TBCEL: variants seen among roughly 807,000 people sequenced by gnomAD.
TBCEL encodes the protein tubulin folding cofactor E like, also known as tubulin-specific chaperone cofactor E-like protein.
TBCEL carries 15 observed loss-of-function variants against 44.2 expected under a neutral mutation model. The observed-to-expected ratio is 0.34, with a 90% CI of 0.23 to 0.52. The LOEUF (loss-of-function observed/expected upper bound fraction) is 0.52, where lower values mean the gene tolerates loss of function less well. TBCEL is among the 20% of genes least tolerant of loss of function. TBCEL has a pLI of 0.95. For missense variants in TBCEL, 319 were observed against 506.3 expected (o/e 0.63, Z 3.55); for synonymous variants, 171 against 185.4 (o/e 0.92, Z 0.63).
intron 8 of TBCEL, among the ~76,000 whole-genome samples, chr11:121,062,628 C>T (rs1591403923): frequency 6.6e-6 from 1 of 152,226 alleles, no homozygotes; most frequent in African/African-American, 2.4e-5. Context: ...TATAATTATC[C>T]TAAGTGCATT....
chr11:121,039,919 C>G (rs193014135), intron 2 of TBCEL, among the ~76,000 whole-genome samples: 23 of 152,210 alleles, frequency 1.5e-4, no homozygotes, highest in African/African-American at 5.1e-4. Context: ...AGGATTGATT[C>G]GTTGTACAAA....
In TBCEL at chr11:121,044,401, A is replaced by T. The variant is rs137902621; in HGVS notation, c.-17-1273A>T. 2.0e-4 allele frequency among the ~76,000 whole-genome samples: 30 copies of T among 152,212 alleles called. 1 individual carries two copies. The highest frequency in any genetic ancestry group is 1.5e-5 in the Non-Finnish European group (1 of 68,006). ...GATCTCCTCTGAGGCTCCTAGTTAG[A>T]TGCTCCTGACAATGTCTACCATTGC... is the stretch of plus-strand genomic sequence containing the variant. On this transcript the variant is annotated intron_variant, in intron 2 of 8. Transcript: ENST00000683345.
At chr11:121,029,562 A>G (rs1945107788) in intron 1 of TBCEL, among the ~76,000 whole-genome samples, 1 of 152,226 alleles carries the variant, frequency 6.6e-6, no homozygotes, top group South Asian at 2.1e-4. Flanking sequence ...TGAACTCAGA[A>G]CTAACTGAAG....
In TBCEL at chr11:121,045,796, G is replaced by A. The variant is rs757022436; in HGVS notation, c.106G>A (p.Ala36Thr). 1.9e-6 allele frequency: 3 copies of A among 1,610,186 alleles called. No individual in the cohort carries two copies. Among genetic ancestry groups the A allele is most frequent in the South Asian group, 2.2e-5 (2 of 90,358 alleles). ...RGPGMGVHVP[A>T]TPQGSPMKDR... ...CCCGGGGATGGGAGTCCATGTCCCA[G>A]CCACACCTCAGGGCTCTCCTATGAA... The change falls in exon 3 of 9, where the codon GCC becomes ACC. Residue 36 changes from alanine (A) to threonine (T), a missense_variant. By Grantham distance (58) the Ala-to-Thr change is moderately conservative. Coordinates refer to ENST00000683345, the MANE Select transcript of TBCEL (RefSeq NM_001363644.2).
intron 1 of TBCEL, among the ~76,000 whole-genome samples, chr11:121,033,848 C>T (rs552485516): frequency 2.0e-5 from 3 of 151,620 alleles, no homozygotes; most frequent in Non-Finnish European, 4.4e-5. Flanking sequence ...CACCATTCTA[C>T]AGTGTCAATG....
chr11:121,035,273 A>G (rs1945211002), intron 1 of TBCEL: 1 of 152,018 alleles, frequency 6.6e-6, no homozygotes, highest in Non-Finnish European at 1.5e-5. Context: ...ACAGGCTACT[A>G]CCCCTTCCTG....
chr11:121,031,332 G>A (rs1000072174), intron 1 of TBCEL, among the ~76,000 whole-genome samples: 1 of 152,104 alleles, frequency 6.6e-6, no homozygotes, highest in Admixed American at 6.6e-5. Context: ...CTGTTCTTCT[G>A]CATTTTCTCC....
At chr11:121,037,368 G>T (rs1945250188) in intron 2 of TBCEL, among the ~76,000 whole-genome samples, 1 of 152,144 alleles carries the variant, frequency 6.6e-6, no homozygotes, top group Non-Finnish European at 1.5e-5. Flanking sequence ...TCCAAAGAGA[G>T]CATCCACTTA....
chr11:121,059,833 A>G (rs182958036), intron 7 of TBCEL, 136 bp from the exon 8 acceptor site: 2 of 623,572 alleles, frequency 3.2e-6, no homozygotes, highest in Admixed American at 3.0e-5. Flanking sequence ...TCATGTCAGT[A>G]GTTGTATACA....
chr11:121,029,877 A>C (rs1945113747), intron 1 of TBCEL, among the ~76,000 whole-genome samples: 1 of 152,208 alleles, frequency 6.6e-6, no homozygotes, highest in Non-Finnish European at 1.5e-5. Context: ...TTATCCAATG[A>C]ATATTTTTTA....
At chr11:121,058,263 A>G in intron 6 of TBCEL, 82 bp from the exon 7 acceptor site, 2 of 1,467,680 alleles carry the variant, frequency 1.4e-6, no homozygotes, top group Non-Finnish European at 1.9e-6. Context: ...GAAGTTACTA[A>G]TTGAGCTAAT....
chr11:121,085,688 T>G (rs1440259350), intron 8 of TBCEL, among the ~76,000 whole-genome samples: 2 of 152,146 alleles, frequency 1.3e-5, no homozygotes, highest in Non-Finnish European at 2.9e-5. Context: ...CTTTTTTCTT[T>G]TAAGAGGTGA....
At chr11:121,067,618 A>C (rs1945843969) in intron 8 of TBCEL, among the ~76,000 whole-genome samples, 1 of 152,188 alleles carries the variant, frequency 6.6e-6, no homozygotes, top group Non-Finnish European at 1.5e-5. Flanking sequence ...TTTTCCAGTC[A>C]ATGGACTCTT....
rs185545511 is a variant in TBCEL at position 121,051,729 on chromosome 11, G to A, written c.274-1822G>A. Among the ~76,000 whole-genome samples the A allele has an allele frequency of 8.0e-4, 122 of 151,866 alleles. 1 individual carries two copies. The Middle Eastern group carries it at 0.037, about 47-fold the overall frequency. On this transcript the variant is annotated intron_variant, in intron 4 of 8. Coordinates refer to ENST00000683345, the MANE Select transcript of TBCEL (RefSeq NM_001363644.2). ...AAGCCTAGTATATTTTCTCTAAAAGGCAGCTCATTTCTTCATTTGTAAAAT... is the reference window on the plus strand; with the variant it reads ...AAGCCTAGTATATTTTCTCTAAAAGACAGCTCATTTCTTCATTTGTAAAAT...
At chr11:121,034,273 T>TA (rs1433841164) in intron 1 of TBCEL, among the ~76,000 whole-genome samples, 2 of 152,190 alleles carry the variant, frequency 1.3e-5, no homozygotes, top group Admixed American at 6.5e-5. Flanking sequence ...TGAAGTATGT[T>TA]ATAAATTATT....
At chr11:121,062,636 A>G (rs1442454192) in intron 8 of TBCEL, among the ~76,000 whole-genome samples, 2 of 152,182 alleles carry the variant, frequency 1.3e-5, no homozygotes, top group Admixed American at 6.5e-5. Context: ...TCCTAAGTGC[A>G]TTTATACTTC....
At position 121,087,200 on chromosome 11, in the gene TBCEL, TGTTCTGTTTA is replaced by T. The variant is rs1946231928; in HGVS notation, c.*106_*115del. ...GGGAGAGGTTGTTTTTGTTTTGTTT[TGTTCTGTTTA>T]GGTTTGGGAAGGATTTTGTATATTT... On this transcript the variant is annotated 3_prime_UTR_variant, in exon 9 of 9. Coordinates refer to ENST00000683345, the MANE Select transcript of TBCEL (RefSeq NM_001363644.2). 2.5e-6 allele frequency: 3 copies of T among 1,220,394 alleles called. No homozygotes were observed. The Admixed American group carries it at 7.8e-5, about 32-fold the overall frequency. 75.6% of individuals were successfully genotyped at this position (1,220,394 alleles called of 1,614,324 possible). A position where few individuals can be genotyped will look rare whatever the true frequency, so the allele number is the denominator to read the frequency against.
At chr11:121,029,654 G>T (rs184283857) in intron 1 of TBCEL, among the ~76,000 whole-genome samples, 2 of 152,294 alleles carry the variant, frequency 1.3e-5, no homozygotes, top group East Asian at 3.9e-4. Flanking sequence ...TCTTAAAACT[G>T]TGTGAAACTT....
At chr11:121,070,723 G>C (rs983480176) in intron 8 of TBCEL, among the ~76,000 whole-genome samples, 1 of 130,596 alleles carries the variant, frequency 7.7e-6, no homozygotes, top group African/African-American at 2.8e-5. Context: ...GGAGGGGGGA[G>C]GGATAGCATT....
Sources: gnomAD v4.1 joint callset for allele counts (sites outside exome capture counted in the v4.1 genomes callset) on GRCh38, gnomAD v4.1.1 for gene constraint, MANE v1.5 for transcripts, NCBI Gene and HGNC (gene_info 2026-07-23, HGNC 2026-07-21) for gene names.